TENM1: variants seen among roughly 807,000 people sequenced by gnomAD.
TENM1 encodes teneurin transmembrane protein 1.
TENM1 carries 35 observed loss-of-function variants against 174.8 expected under a neutral mutation model. The observed-to-expected ratio is 0.20, with a 90% CI of 0.15 to 0.27. TENM1 has a LOEUF of 0.27. Ranked by LOEUF, TENM1 falls within the 10% of genes least tolerant of loss-of-function variation. The pLI is 1.00. For missense variants in TENM1, 1,633 were observed against 2,130.1 expected (o/e 0.77, Z 4.59); for synonymous variants, 781 against 798.7 (o/e 0.98, Z 0.37).
At chrX:125,078,733 T>A in the TENM1 span, among the ~76,000 whole-genome samples, 1 of 111,023 alleles carries the variant, frequency 9.0e-6, no homozygotes, top group Admixed American at 9.6e-5. Flanking sequence ...ACACAGAAAA[T>A]AAAGTGTATT....
At chrX:125,196,132 A>AACTGTAC in the TENM1 span, among the ~76,000 whole-genome samples, 1 of 111,089 alleles carries the variant, frequency 9.0e-6, no homozygotes, top group Admixed American at 9.6e-5. Flanking sequence ...TTGGCCAATC[A>AACTGTAC]ACTGTACTGT....
intron 6 of TENM1, among the ~76,000 whole-genome samples, chrX:124,656,952 TA>T (rs927194279): frequency 9.7e-4 from 102 of 104,984 alleles, no homozygotes; most frequent in African/African-American, 2.9e-3. Context: ...TGTCTCCAGT[TA>T]AAAAAAAAAG....
intron 4 of TENM1, among the ~76,000 whole-genome samples, chrX:124,718,216 T>C (rs1218900107): frequency 8.9e-6 from 1 of 111,743 alleles, no homozygotes; most frequent in Non-Finnish European, 1.9e-5. Flanking sequence ...AAAGTGAACA[T>C]AGGGAGAATG....
intron 1 of TENM1, among the ~76,000 whole-genome samples, chrX:124,913,180 C>T (rs1220492808): frequency 1.8e-5 from 2 of 110,986 alleles, no homozygotes; most frequent in South Asian, 3.8e-4. Context: ...CATTTATATA[C>T]GTTCCCATAG....
intron 4 of TENM1, among the ~76,000 whole-genome samples, chrX:124,734,601 T>C (rs1352510627): frequency 8.9e-6 from 1 of 112,113 alleles, no homozygotes; most frequent in Non-Finnish European, 1.9e-5. Context: ...AACCATTTAA[T>C]CTGGTAAGTG....
chrX:124,660,235 C>T (rs1339968353), intron 6 of TENM1, among the ~76,000 whole-genome samples: 5 of 109,827 alleles, frequency 4.6e-5, no homozygotes, highest in Non-Finnish European at 9.5e-5. Flanking sequence ...ATTAGCCAGG[C>T]GTGGTGGCGG....
chrX:125,018,708 C>T, the TENM1 span, among the ~76,000 whole-genome samples: 10 of 110,591 alleles, frequency 9.0e-5, 1 homozygote, highest in East Asian at 2.8e-3. Context: ...CTAGGGGTAC[C>T]GTAAGTGTAA....
intron 4 of TENM1, among the ~76,000 whole-genome samples, chrX:124,708,772 C>T (rs2052972829): frequency 9.0e-6 from 1 of 111,109 alleles, no homozygotes; most frequent in Non-Finnish European, 1.9e-5. Context: ...ATTTATGTTA[C>T]CTTTGTATGG....
chrX:125,027,178 A>G, the TENM1 span, among the ~76,000 whole-genome samples: 1 of 112,421 alleles, frequency 8.9e-6, no homozygotes, highest in Non-Finnish European at 1.9e-5. Flanking sequence ...AAGTGAGTAC[A>G]AATTATTTGA....
At chrX:124,665,869 A>G (rs988223588) in intron 6 of TENM1, among the ~76,000 whole-genome samples, 2 of 111,622 alleles carry the variant, frequency 1.8e-5, no homozygotes, top group Non-Finnish European at 1.9e-5. Flanking sequence ...TTAAATTTGT[A>G]ATTTCTGGGT....
intron 3 of TENM1, among the ~76,000 whole-genome samples, chrX:124,830,968 C>T (rs1034887573): frequency 3.6e-5 from 4 of 111,554 alleles, no homozygotes; most frequent in Admixed American, 1.9e-4. Context: ...TCGTTTTTAG[C>T]TCCTGGGGGT....
At chrX:124,379,555 A>G (rs1258988344) in exon 32 of TENM1, 1 of 111,819 alleles carries the variant, frequency 8.9e-6, no homozygotes, top group Non-Finnish European at 1.9e-5. Flanking sequence ...TAGTTAATGT[A>G]TGTATCGGCA....
At chrX:124,395,504 T>C (rs1054739846) in intron 27 of TENM1, among the ~76,000 whole-genome samples, 2 of 111,279 alleles carry the variant, frequency 1.8e-5, no homozygotes, top group African/African-American at 6.5e-5. Context: ...TTAAATTATC[T>C]GGGGGCAAGT....
chrX:124,527,549 G>T (rs1008923484), intron 16 of TENM1, among the ~76,000 whole-genome samples: 7 of 110,517 alleles, frequency 6.3e-5, no homozygotes, highest in Admixed American at 9.7e-5. Flanking sequence ...GGACATGGAG[G>T]ATCCTATCAG....
chrX:124,575,655 G>A (rs1444503095), intron 11 of TENM1, among the ~76,000 whole-genome samples: 1 of 112,152 alleles, frequency 8.9e-6, no homozygotes, highest in Non-Finnish European at 1.9e-5. Flanking sequence ...CTGTTCTTTG[G>A]TAGGTCTGAA....
the TENM1 span, among the ~76,000 whole-genome samples, chrX:125,070,992 A>T: frequency 3.2e-3 from 356 of 111,937 alleles, 3 homozygotes; most frequent in African/African-American, 0.011. Flanking sequence ...AACAGAAAGA[A>T]GATGGATATA....
chrX:124,737,289 G>C (rs2053697575), intron 3 of TENM1, 92 bp from the exon 7 acceptor site: 1 of 996,634 alleles, frequency 1.0e-6, no homozygotes, highest in African/African-American at 2.0e-5. Context: ...CAGGATTTCA[G>C]ATAATAAAAC....
At chrX:125,121,492 T>G in the TENM1 span, among the ~76,000 whole-genome samples, 1 of 112,151 alleles carries the variant, frequency 8.9e-6, no homozygotes, top group Non-Finnish European at 1.9e-5. Context: ...ATTGTGGAAT[T>G]TGTCCCATTT....
chrX:125,195,830 A>G, the TENM1 span, among the ~76,000 whole-genome samples: 1 of 110,901 alleles, frequency 9.0e-6, no homozygotes, highest in Non-Finnish European at 1.9e-5. Context: ...AATTATCTGG[A>G]ACATATATAA....
Sources: allele counts gnomAD v4.1 joint callset (sites outside exome capture counted in the v4.1 genomes callset), GRCh38; gene constraint gnomAD v4.1.1; transcripts MANE v1.5; gene names NCBI Gene and HGNC (gene_info 2026-07-23, HGNC 2026-07-21).